Variants in TMEM132B observed in about 807,000 individuals in gnomAD.
The protein encoded by TMEM132B is transmembrane protein 132B.
Under a neutral mutation model 90.8 loss-of-function variants are expected in TMEM132B, and 18 were observed. That is an observed-to-expected ratio of 0.20 (90% CI 0.14 to 0.29). TMEM132B has a LOEUF of 0.29. TMEM132B is among the 10% of genes least tolerant of loss of function. The pLI is 1.00. For synonymous variants in TMEM132B, 504 were observed against 523.3 expected (o/e 0.96, Z 0.50); for missense variants, 1,096 against 1,326.8 (o/e 0.83, Z 2.70).
chr12:125,363,416 C>T (rs1408980669), intron 2 of TMEM132B, among the ~76,000 whole-genome samples: 1 of 152,064 alleles, frequency 6.6e-6, no homozygotes, highest in Non-Finnish European at 1.5e-5. Flanking sequence ...TATGGCTTTG[C>T]ATGATGTTTC....
intron 5 of TMEM132B, 85 bp from the exon 6 acceptor site, chr12:125,643,991 T>G: frequency 8.3e-7 from 1 of 1,208,932 alleles, no homozygotes; most frequent in Non-Finnish European, 1.2e-6. Flanking sequence ...TCAGAGCTGC[T>G]GCAGTTCATG....
chr12:125,601,814 A>G (rs1285292253), intron 5 of TMEM132B, among the ~76,000 whole-genome samples: 3 of 152,238 alleles, frequency 2.0e-5, no homozygotes, highest in African/African-American at 7.2e-5. Context: ...ACAAACTACC[A>G]TCAGAGAATA....
intron 4 of TMEM132B, among the ~76,000 whole-genome samples, chr12:125,555,641 C>T (rs973728681): frequency 6.6e-6 from 1 of 150,868 alleles, no homozygotes; most frequent in African/African-American, 2.4e-5. Context: ...TGCAGCACAC[C>T]AACATGGCAC....
chr12:125,526,057 C>G (rs950232739), intron 4 of TMEM132B, among the ~76,000 whole-genome samples: 1 of 152,188 alleles, frequency 6.6e-6, no homozygotes, highest in Admixed American at 6.5e-5. Flanking sequence ...GTGAGAGGAG[C>G]TGCACACACT....
At chr12:125,413,103 AT>A (rs1387180805) in intron 2 of TMEM132B, among the ~76,000 whole-genome samples, 12 of 152,134 alleles carry the variant, frequency 7.9e-5, no homozygotes, top group Non-Finnish European at 1.2e-4. Flanking sequence ...ATATGCAGAC[AT>A]TTGAATCTCC....
intron 3 of TMEM132B, among the ~76,000 whole-genome samples, chr12:125,477,180 C>T (rs1307636295): frequency 1.3e-5 from 2 of 152,186 alleles, no homozygotes; most frequent in Admixed American, 6.5e-5. Flanking sequence ...TTTTACTTCT[C>T]ACTGGGTTTT....
chr12:125,217,634 G>T (rs1873467272), intron 1 of TMEM132B, among the ~76,000 whole-genome samples: 1 of 152,042 alleles, frequency 6.6e-6, no homozygotes, highest in African/African-American at 2.4e-5. Flanking sequence ...GTTTTTTTAT[G>T]TAGAGATGGG....
intron 1 of TMEM132B, among the ~76,000 whole-genome samples, chr12:125,332,538 C>T (rs532730548): frequency 6.8e-6 from 1 of 146,448 alleles, no homozygotes; most frequent in Admixed American, 6.9e-5. Context: ...CTTTCTGCGT[C>T]ACGGGGACCC....
chr12:125,614,471 A>C (rs1885940666), intron 5 of TMEM132B, among the ~76,000 whole-genome samples: 1 of 151,886 alleles, frequency 6.6e-6, no homozygotes, highest in Non-Finnish European at 1.5e-5. Flanking sequence ...GCTGCATAGT[A>C]CTCCATGGTG....
intron 4 of TMEM132B, among the ~76,000 whole-genome samples, chr12:125,572,853 C>T (rs1022049725): frequency 6.6e-6 from 1 of 152,160 alleles, no homozygotes; most frequent in Non-Finnish European, 1.5e-5. Flanking sequence ...CCTTTCTTCA[C>T]TGTTTGTTTA....
Position 125,527,752 on chromosome 12 carries a change from C to G in TMEM132B, c.1293+8127C>G, listed in dbSNP as rs76782160. ...TCCACCCATTCACCCTTCCATCCAC[C>G]AATCCACCTTCCATCTACGCATCTA... On this transcript the variant is annotated intron_variant, in intron 4 of 8. Transcript: ENST00000682704. Among the ~76,000 whole-genome samples, 3 of 152,130 alleles carry G rather than the reference C, an allele frequency of 2.0e-5. No individual in the cohort carries two copies. In the East Asian group the frequency reaches 5.8e-4, roughly 29 times the overall value.
At chr12:125,198,624 G>A (rs1433320956) in intron 1 of TMEM132B, among the ~76,000 whole-genome samples, 4 of 152,216 alleles carry the variant, frequency 2.6e-5, no homozygotes, top group Admixed American at 6.5e-5. Context: ...ACTTAAGTCC[G>A]AAGCTCATTT....
intron 1 of TMEM132B, chr12:125,300,938 G>A (rs1242973977): frequency 6.6e-6 from 1 of 151,950 alleles, no homozygotes; most frequent in Non-Finnish European, 1.5e-5. Context: ...TCTGAGGATG[G>A]GTTCCCATGG....
chr12:125,558,501 C>A (rs1163900838), intron 4 of TMEM132B, among the ~76,000 whole-genome samples: 2 of 152,104 alleles, frequency 1.3e-5, no homozygotes, highest in African/African-American at 2.4e-5. Context: ...TAGGTGAATT[C>A]CTTAAATTTA....
intron 3 of TMEM132B, among the ~76,000 whole-genome samples, chr12:125,491,341 G>T (rs1216511344): frequency 6.6e-6 from 1 of 151,404 alleles, no homozygotes; most frequent in Non-Finnish European, 1.5e-5. Flanking sequence ...TGTTGCCCAG[G>T]CTTACTAATC....
intron 3 of TMEM132B, among the ~76,000 whole-genome samples, chr12:125,416,778 AAACT>A: frequency 6.6e-6 from 1 of 152,328 alleles, no homozygotes; most frequent in South Asian, 2.1e-4. Flanking sequence ...CTCTTACTCT[AAACT>A]CTACGTTCCA....
At chr12:125,371,546 G>T (rs1306125116) in intron 2 of TMEM132B, among the ~76,000 whole-genome samples, 2 of 152,138 alleles carry the variant, frequency 1.3e-5, no homozygotes, top group African/African-American at 4.8e-5. Flanking sequence ...TACCTTGTGG[G>T]TTTCCAGGAC....
At chr12:125,257,624 C>T (rs975210389) in intron 1 of TMEM132B, among the ~76,000 whole-genome samples, 6 of 152,104 alleles carry the variant, frequency 3.9e-5, no homozygotes, top group Non-Finnish European at 8.8e-5. Flanking sequence ...GTGAATGTCA[C>T]TTTATATGCC....
intron 1 of TMEM132B, among the ~76,000 whole-genome samples, chr12:125,281,025 G>A (rs1218453012): frequency 6.6e-6 from 1 of 152,180 alleles, no homozygotes; most frequent in South Asian, 2.1e-4. Flanking sequence ...GTGAGGGAAC[G>A]CTGGGGAATT....
Sources: gnomAD v4.1 joint callset for allele counts (sites outside exome capture counted in the v4.1 genomes callset) on GRCh38, gnomAD v4.1.1 for gene constraint, MANE v1.5 for transcripts, NCBI Gene and HGNC (gene_info 2026-07-23, HGNC 2026-07-21) for gene names.